Variants in MXRA7 observed in about 807,000 individuals in gnomAD.
MXRA7 encodes the protein matrix-remodeling-associated protein 7.
In MXRA7, 18 loss-of-function variants were observed where a neutral mutation model predicts 17.4. The ratio of observed to expected loss-of-function variants is 1.03; its 90% confidence interval spans 0.71 to 1.53. MXRA7 has a LOEUF of 1.53. Ranked by LOEUF, MXRA7 falls within the 40% of genes most tolerant of loss-of-function variation. MXRA7 has a pLI of 0.00. For missense variants in MXRA7, 141 were observed against 209.3 expected (o/e 0.67, Z 2.01); for synonymous variants, 70 against 101.7 (o/e 0.69, Z 1.87).
intron 1 of MXRA7, among the ~76,000 whole-genome samples, chr17:76,696,027 G>A (rs749160905): frequency 7.2e-5 from 11 of 151,970 alleles, no homozygotes; most frequent in Non-Finnish European, 1.3e-4. Context: ...CCCAGGAGGC[G>A]GAGGTTGCAG....
chr17:76,687,980 T>C (rs1426927066), intron 2 of MXRA7, 133 bp downstream of exon 2: 7 of 898,678 alleles, frequency 7.8e-6, no homozygotes, highest in Non-Finnish European at 1.2e-5. Flanking sequence ...CTACCTCTCA[T>C]GCCCCACTCA....
At chr17:76,678,523 GCTC>G (rs1379144532), downstream of MXRA7, among the ~76,000 whole-genome samples, 1 of 152,192 alleles carries the variant, frequency 6.6e-6, no homozygotes, top group Non-Finnish European at 1.5e-5. Flanking sequence ...GGTGCCCTGT[GCTC>G]CTCAGCCCAG....
intron 1 of MXRA7, 57 bp from the exon 2 acceptor site, chr17:76,688,233 T>G (rs2143619755): frequency 6.2e-7 from 1 of 1,608,618 alleles, no homozygotes; most frequent in Middle Eastern, 1.7e-4. Context: ...TGGGAAGTGG[T>G]GGGGGGGCAG....
chr17:76,707,583 T>G lies in MXRA7; in HGVS notation c.342+3022A>C, dbSNP rs2076676268. Among the ~76,000 whole-genome samples, 3 of 152,090 alleles carry G rather than the reference T, an allele frequency of 2.0e-5. No individual in the cohort carries two copies. The South Asian group carries it at 6.2e-4, about 32-fold the overall frequency. On this transcript the variant is annotated intron_variant, in intron 1 of 3. Coordinates refer to ENST00000449428, the MANE Select transcript of MXRA7 (RefSeq NM_198530.4). ...CCTCCCAAAGTGCTGGGATTACAGGTGTGAGCCATCGCGCCCGGGCTCTAG... is the reference window on the plus strand; with the variant it reads ...CCTCCCAAAGTGCTGGGATTACAGGGGTGAGCCATCGCGCCCGGGCTCTAG...
At chr17:76,685,702 C>G (rs2076386389) in intron 2 of MXRA7, among the ~76,000 whole-genome samples, 1 of 152,198 alleles carries the variant, frequency 6.6e-6, no homozygotes, top group African/African-American at 2.4e-5. Context: ...TTTGCCAGTC[C>G]CCGAGGGGAG....
intron 1 of MXRA7, among the ~76,000 whole-genome samples, chr17:76,704,268 C>T (rs1281015063): frequency 8.1e-6 from 1 of 122,884 alleles, no homozygotes; most frequent in South Asian, 2.9e-4. Context: ...TGCAGTGGTG[C>T]GATCTCAGCT....
At chr17:76,678,361 G>A (rs2076257882), downstream of MXRA7, among the ~76,000 whole-genome samples, 7 of 152,304 alleles carry the variant, frequency 4.6e-5, no homozygotes, top group South Asian at 1.4e-3. Context: ...CTCCACGCGG[G>A]TTCTGTGCTG....
rs2076307261 is a variant in MXRA7 at position 76,681,786 on chromosome 17, G to A, written c.501-907C>T. 6.6e-6 allele frequency among the ~76,000 whole-genome samples: 1 copy of A among 152,180 alleles called. No homozygotes were observed. The highest frequency in any genetic ancestry group is 2.4e-5 in the African/African-American group (1 of 41,434). ...TTTCTCCTGCCAAGCTGTGAAGCCA[G>A]CCAAGCCCTGCCAGCTTCCCTAGCT... On this transcript the variant is annotated intron_variant, in intron 3 of 3. Coordinates refer to ENST00000449428, the MANE Select transcript of MXRA7 (RefSeq NM_198530.4). This position sits in a 1 kb window ranked among gnomAD's most constrained non-coding sequence, Gnocchi z 4.7.
chr17:76,685,477 C>T (rs1415578796), intron 2 of MXRA7, among the ~76,000 whole-genome samples: 1 of 152,230 alleles, frequency 6.6e-6, no homozygotes, highest in African/African-American at 2.4e-5. Flanking sequence ...GGCTACTGAG[C>T]TCAGAGGCGA....
chr17:76,688,243 G>T, intron 1 of MXRA7, 67 bp from the exon 2 acceptor site: 1 of 1,602,648 alleles, frequency 6.2e-7, no homozygotes, highest in Non-Finnish European at 8.5e-7. Context: ...TGGGGGGGCA[G>T]AAGGTAGGGG....
At chr17:76,701,107 C>T (rs982332618) in intron 1 of MXRA7, among the ~76,000 whole-genome samples, 2 of 151,786 alleles carry the variant, frequency 1.3e-5, no homozygotes, top group South Asian at 4.2e-4. Context: ...GTGCTCTCTG[C>T]GCTAGGAAGG....
At chr17:76,698,046 A>G (rs2076551690) in intron 1 of MXRA7, among the ~76,000 whole-genome samples, 1 of 152,106 alleles carries the variant, frequency 6.6e-6, no homozygotes, top group South Asian at 2.1e-4. Context: ...CAGTGCAAAG[A>G]AGGTCTCTTG....
chr17:76,690,031 A>AAAAAAAAG (rs2076462047), intron 1 of MXRA7: 1 of 151,810 alleles, frequency 6.6e-6, no homozygotes, highest in African/African-American at 2.4e-5. Context: ...AAAAAAAAAA[A>AAAAAAAAG]AGGAGGCGTT....
At chr17:76,690,810 C>T (rs915373387) in intron 1 of MXRA7, among the ~76,000 whole-genome samples, 3 of 151,998 alleles carry the variant, frequency 2.0e-5, no homozygotes, top group East Asian at 1.9e-4. Context: ...AGGGCTCAAG[C>T]GATCCTCCTG....
At chr17:76,697,276 G>A (rs1257112062) in intron 1 of MXRA7, among the ~76,000 whole-genome samples, 1 of 152,184 alleles carries the variant, frequency 6.6e-6, no homozygotes, top group African/African-American at 2.4e-5. Context: ...AGGCGGAGAA[G>A]GCGGCCAACT....
intron 3 of MXRA7, chr17:76,683,863 AAT>A (rs1354008368): frequency 6.2e-7 from 1 of 1,613,888 alleles, no homozygotes; most frequent in Admixed American, 1.7e-5. Flanking sequence ...GATTTGCAAG[AAT>A]ATTTGTGGCT....
At chr17:76,686,568 T>G (rs2076400514) in intron 2 of MXRA7, among the ~76,000 whole-genome samples, 1 of 152,200 alleles carries the variant, frequency 6.6e-6, no homozygotes, top group Admixed American at 6.5e-5. Context: ...CTGATTAGTT[T>G]TGTTTTCTGA....
chr17:76,684,002 C>G (rs1323256063), intron 3 of MXRA7: 1 of 1,148,818 alleles, frequency 8.7e-7, no homozygotes. Flanking sequence ...GGGGCTCCTG[C>G]CAGGGCTCTT....
intron 1 of MXRA7, among the ~76,000 whole-genome samples, chr17:76,699,452 C>T (rs1041480811): frequency 4.6e-5 from 7 of 152,102 alleles, no homozygotes; most frequent in Admixed American, 3.3e-4. Flanking sequence ...AGCCCTCATC[C>T]AGCTTTAAGA....
Sources: allele counts gnomAD v4.1 joint callset (sites outside exome capture counted in the v4.1 genomes callset), GRCh38; gene constraint gnomAD v4.1.1; non-coding constraint Gnocchi (gnomAD v3.1); transcripts MANE v1.5; gene names NCBI Gene and HGNC (gene_info 2026-07-23, HGNC 2026-07-21).